Variants in HECTD4 observed in about 807,000 individuals in gnomAD.
HECTD4 encodes probable E3 ubiquitin-protein ligase HECTD4.
In HECTD4, 114 loss-of-function variants were observed where a neutral mutation model predicts 471.5. The ratio of observed to expected loss-of-function variants is 0.24; its 90% CI spans 0.21 to 0.28. The LOEUF (loss-of-function observed/expected upper bound fraction) is 0.28. Ranked by LOEUF, HECTD4 falls within the 10% of genes least tolerant of loss-of-function variation. HECTD4 has a pLI of 1.00. For synonymous variants in HECTD4, 2,012 were observed against 2,256.0 expected (o/e 0.89, Z 3.07); for missense variants, 3,866 against 5,651.5 (o/e 0.68, Z 10.13).
chr12:112,277,607 G>T (rs1594002408), intron 9 of HECTD4, among the ~76,000 whole-genome samples: 1 of 152,132 alleles, frequency 6.6e-6, no homozygotes, highest in East Asian at 1.9e-4. Flanking sequence ...AAGCACTAAG[G>T]AGAAAACCTC....
chr12:112,374,770 A>T (rs2036747134), intron 1 of HECTD4, among the ~76,000 whole-genome samples: 1 of 152,206 alleles, frequency 6.6e-6, no homozygotes, highest in Non-Finnish European at 1.5e-5. Context: ...CATCTCAAAG[A>T]TTTCACTTGA....
chr12:112,265,978 T>C lies in HECTD4; in HGVS notation c.2398A>G (p.Arg800Gly), dbSNP rs759140155. ...LLKLVLTEGE[R>G]NSGLSQLRDV... The stretch of plus-strand genomic sequence containing the variant: ...CGTAGCTGGGAGAGTCCACTGTTTC[T>C]CTCTCCTAACACAGAAGAAAGCTCC... Residue 800 changes from arginine to glycine, a missense_variant, in exon 15 of 76, where the codon AGA becomes GGA. By Grantham distance (125) the Arg-to-Gly change is moderately radical (BLOSUM62 -2). Coordinates refer to ENST00000682272, the MANE Select transcript of HECTD4 (RefSeq NM_001388303.1). 5.6e-5 allele frequency: 90 copies of C among 1,611,946 alleles called. No homozygotes were observed. The highest frequency in any genetic ancestry group is 5.0e-5 in the Non-Finnish European group (59 of 1,178,122).
chr12:112,228,243 T>C lies in HECTD4; in HGVS notation c.6700A>G (p.Lys2234Glu). 6.3e-7 allele frequency: 1 copy of C among 1,599,634 alleles called. No individual in the cohort carries two copies. Among genetic ancestry groups the C allele is most frequent in the South Asian group, 1.1e-5 (1 of 88,128 alleles). Residue 2234 changes from lysine to glutamate, a missense_variant, in exon 43 of 76, where the codon AAA (lysine) becomes GAA (glutamate). Lys to Glu is a moderately conservative substitution (Grantham distance 56). This residue lies in a region of HECTD4 where 617 missense variants were observed against 915.1 expected (regional missense o/e 0.67). Transcript: ENST00000682272. This position sits in a 1 kb window ranked among gnomAD's most constrained non-coding sequence, Gnocchi z 4.9. ...ACTACCTTCTCAGTAATGGACAGTT[T>C]ATGAAGAGGCAATGCCTGATGGCGG... ...VPRSEALPLH[K>E]LSITEKVVQA...
chr12:112,184,263 C>G lies in HECTD4; in HGVS notation c.10703G>C (p.Gly3568Ala). The stretch of plus-strand genomic sequence containing the variant: ...CAGGGAAGTGACTGTGTACATGGAG[C>G]CCATGTCCGACACCGAGGCCGTCTC... ...NAETASVSDM[G>A]SMYTVTSLDN... Residue 3568 changes from glycine to alanine, a missense_variant, in exon 61 of 76, where the codon GGC becomes GCC. Physicochemically the swap from Gly to Ala is moderately conservative, Grantham distance 60. Transcript: ENST00000682272. This position sits in a 1 kb window ranked among gnomAD's most constrained non-coding sequence, Gnocchi z 9.1. 1 of 1,613,520 alleles carries G rather than the reference C, an allele frequency of 6.2e-7. No individual in the cohort carries two copies. Among genetic ancestry groups the G allele is most frequent in the Non-Finnish European group, 8.5e-7 (1 of 1,179,872 alleles).
In HECTD4 at chr12:112,239,295, C is replaced by G; in HGVS notation, c.5106-59G>C. The G allele has an allele frequency of 1.4e-6, 2 of 1,477,214 alleles. No homozygotes were observed. Among genetic ancestry groups the G allele is most frequent in the South Asian group, 2.8e-5 (2 of 72,068 alleles). The allele number at this position is 1,477,214 out of a possible 1,614,324, so 91.5% of individuals were successfully genotyped here. A position where few individuals can be genotyped will look rare whatever the true frequency, so the allele number is the denominator to read the frequency against. ...GTAACTGACCGACACTCAGGAAACT[C>G]TCATGTGAGGTTCAAAGGGGCATAA... is the stretch of plus-strand genomic sequence containing the variant. On this transcript the variant is annotated intron_variant, in intron 33 of 75. Coordinates refer to ENST00000682272, the MANE Select transcript of HECTD4 (RefSeq NM_001388303.1). This position sits in a 1 kb window ranked among gnomAD's most constrained non-coding sequence, Gnocchi z 4.9.
At chr12:112,164,050 T>A (rs1410932818) in intron 73 of HECTD4, 59 bp downstream of exon 73, 2 of 1,373,386 alleles carry the variant, frequency 1.5e-6, no homozygotes, top group Non-Finnish European at 1.9e-6. Flanking sequence ...GCTGCTGTCA[T>A]ACCCTGGCTG....
intron 7 of HECTD4, among the ~76,000 whole-genome samples, chr12:112,296,394 T>TGGATGTGGGTGCAGA (rs2035015006): frequency 7.6e-6 from 1 of 132,010 alleles, no homozygotes; most frequent in African/African-American, 3.0e-5. Flanking sequence ...GTAGGTGGAG[T>TGGATGTGGGTGCAGA]GGATGTGGGT....
In HECTD4 at chr12:112,179,067, C is replaced by A; in HGVS notation, c.11227G>T (p.Gly3743Cys). The A allele has an allele frequency of 6.2e-7, 1 of 1,613,996 alleles. No homozygotes were observed. The highest frequency in any genetic ancestry group is 8.5e-7 in the Non-Finnish European group (1 of 1,179,896). ...TTGTCAAACTTGGGCTTTGGCACGCCATACTTCCTCAGGATCTGTGGAGCA... is the reference window on the plus strand; with the variant it reads ...TTGTCAAACTTGGGCTTTGGCACGCAATACTTCCTCAGGATCTGTGGAGCA... ...DQLTQILRKYGVPKPKFDKSK... is the reference protein window; with the variant it reads ...DQLTQILRKYCVPKPKFDKSK... The change falls in exon 64 of 76, where the codon GGC becomes TGC. Residue 3743 changes from glycine (G) to cysteine (C), a missense_variant. Gly to Cys is a radical substitution (Grantham distance 159, BLOSUM62 -3). Transcript: ENST00000682272. This position sits in a 1 kb window ranked among gnomAD's most constrained non-coding sequence, Gnocchi z 4.3.
chr12:112,379,712 A>ATT (rs1015134462), intron 1 of HECTD4, among the ~76,000 whole-genome samples: 10 of 142,794 alleles, frequency 7.0e-5, no homozygotes, highest in South Asian at 2.5e-4. Context: ...AAATAAAAAG[A>ATT]TTTTTTATAT....
intron 66 of HECTD4, among the ~76,000 whole-genome samples, chr12:112,174,321 A>T (rs777436512): frequency 5.5e-5 from 8 of 146,134 alleles, no homozygotes; most frequent in Non-Finnish European, 8.9e-5. Flanking sequence ...CTGGAGTGCC[A>T]TGGTGCAGTC....
chr12:112,302,712 T>C, intron 7 of HECTD4: 1 of 435,008 alleles, frequency 2.3e-6, no homozygotes, highest in South Asian at 3.3e-5. Context: ...TAACTTTTTC[T>C]CATTTTTAAT....
rs948351793 is a variant in HECTD4 at position 112,192,130 on chromosome 12, C to T, written c.9292+430G>A. On this transcript the variant is annotated intron_variant, in intron 59 of 75. Transcript: ENST00000682272. Reference sequence around the variant, plus strand: ...TGCCCAGGAGATGAGAGCAATCGAGCTTCCAGTTAGTTGAGGAGCAGACTC... The same window carrying T: ...TGCCCAGGAGATGAGAGCAATCGAGTTTCCAGTTAGTTGAGGAGCAGACTC... Among the ~76,000 whole-genome samples, 7 of 152,338 alleles carry T rather than the reference C, an allele frequency of 4.6e-5. No individual in the cohort carries two copies. In the South Asian group the frequency reaches 8.3e-4, roughly 18 times the overall value.
intron 7 of HECTD4, among the ~76,000 whole-genome samples, chr12:112,295,666 C>T (rs1437787780): frequency 6.8e-6 from 1 of 147,058 alleles, no homozygotes; most frequent in Non-Finnish European, 1.5e-5. Flanking sequence ...GAGACAGGGT[C>T]TGTCTCACTC....
At chr12:112,170,695 G>A (rs754391808) in intron 68 of HECTD4, 41 of 516,202 alleles carry the variant, frequency 7.9e-5, no homozygotes, top group Non-Finnish European at 1.4e-4. Context: ...ATGGAATGTA[G>A]AAAATGATAC....
chr12:112,355,441 A>G (rs2036318829), intron 1 of HECTD4, among the ~76,000 whole-genome samples: 1 of 151,138 alleles, frequency 6.6e-6, no homozygotes, highest in African/African-American at 2.4e-5. Flanking sequence ...AGCCTGGGCG[A>G]CCGAGCAAGA....
intron 4 of HECTD4, 100 bp downstream of exon 4, chr12:112,312,917 A>T (rs2035399489): frequency 3.3e-6 from 3 of 904,658 alleles, no homozygotes; most frequent in Non-Finnish European, 4.9e-6. Context: ...CTTAATTAAA[A>T]GGAACATACA....
chr12:112,192,893 AAG>A, intron 58 of HECTD4, 128 bp from the exon 59 acceptor site: 2 of 1,199,668 alleles, frequency 1.7e-6, no homozygotes, highest in South Asian at 3.1e-5. Context: ...CACACTTTGG[AAG>A]GTCATTCTTT....
chr12:112,346,918 T>C (rs966033378), intron 1 of HECTD4, among the ~76,000 whole-genome samples: 2 of 152,154 alleles, frequency 1.3e-5, no homozygotes, highest in Non-Finnish European at 2.9e-5. Context: ...ATTTCATATA[T>C]CCATATATAC....
intron 32 of HECTD4, among the ~76,000 whole-genome samples, chr12:112,241,253 T>C (rs1351820856): frequency 6.6e-6 from 1 of 152,166 alleles, no homozygotes; most frequent in Non-Finnish European, 1.5e-5. Flanking sequence ...ATGGAGAAAT[T>C]AAATTCTGGA....
Sources: allele counts gnomAD v4.1 joint callset (sites outside exome capture counted in the v4.1 genomes callset), GRCh38; gene constraint gnomAD v4.1.1; regional missense constraint gnomAD v4.1.1; non-coding constraint Gnocchi (gnomAD v3.1); transcripts MANE v1.5; gene names NCBI Gene and HGNC (gene_info 2026-07-23, HGNC 2026-07-21).